The following GSE1 variants were observed in gnomAD, a reference collection of about 807,000 sequenced individuals.
GSE1 encodes the protein Gse1 coiled-coil protein, also known as genetic suppressor element 1.
A neutral mutation model predicts 112.6 loss-of-function variants in GSE1; 32 were observed. That is an observed-to-expected ratio of 0.28 (90% CI 0.21 to 0.38). The LOEUF is 0.38. GSE1 is among the 10% of genes least tolerant of loss of function. The pLI is 1.00. For missense variants in GSE1, 2,348 were observed against 1,699.2 expected (o/e 1.38, Z -6.71); for synonymous variants, 1,115 against 735.6 (o/e 1.52, Z -8.35).
At chr16:85,207,672 C>T (rs62050673) in intron 1 of GSE1, 14,817 of 152,276 alleles carry the variant, frequency 0.097, 848 homozygotes, top group Middle Eastern at 0.16. Context: ...CGTTGACCAG[C>T]GGGGTGAGGG....
chr16:85,625,990 C>T (rs996132070), intron 1 of GSE1, among the ~76,000 whole-genome samples: 4 of 152,166 alleles, frequency 2.6e-5, no homozygotes, highest in African/African-American at 9.7e-5. Flanking sequence ...CTCAGCCCTT[C>T]TTGTTCCAGG....
At chr16:85,315,774 A>G (rs1482881937) in intron 1 of GSE1, among the ~76,000 whole-genome samples, 2 of 152,264 alleles carry the variant, frequency 1.3e-5, no homozygotes, top group Non-Finnish European at 2.9e-5. Context: ...TTCGTTGTTC[A>G]TCCGAAATGA....
intron 2 of GSE1, among the ~76,000 whole-genome samples, chr16:85,526,562 G>T (rs1002403784): frequency 1.3e-5 from 2 of 152,254 alleles, no homozygotes; most frequent in Non-Finnish European, 2.9e-5. Context: ...GCAGGCCAAA[G>T]GGACACAGCA....
intron 2 of GSE1, among the ~76,000 whole-genome samples, chr16:85,452,766 C>T (rs1293435149): frequency 3.9e-5 from 6 of 152,344 alleles, no homozygotes; most frequent in South Asian, 2.1e-4. Context: ...TGCAGAACTC[C>T]GGGTGTCTTT....
chr16:85,644,720 T>C (rs1401311091), intron 2 of GSE1, among the ~76,000 whole-genome samples: 4 of 151,728 alleles, frequency 2.6e-5, no homozygotes, highest in African/African-American at 9.7e-5. Context: ...CTGAAATGGA[T>C]TGTGGTGATG....
chr16:85,217,802 GCCT>G (rs1442370044), intron 1 of GSE1, among the ~76,000 whole-genome samples: 3 of 151,986 alleles, frequency 2.0e-5, no homozygotes, highest in African/African-American at 7.3e-5. Context: ...TCTTCCTCCT[GCCT>G]CCTCCTCGAA....
intron 2 of GSE1, among the ~76,000 whole-genome samples, chr16:85,445,454 T>G (rs925123434): frequency 1.1e-4 from 16 of 152,114 alleles, no homozygotes; most frequent in Non-Finnish European, 2.4e-4. Context: ...GGGCGGCCAG[T>G]CCCCAGACCC....
At position 85,193,369 on chromosome 16, in the gene GSE1, A is replaced by G. The variant is rs145125008; in HGVS notation, c.2283+21562A>G. The stretch of plus-strand genomic sequence containing the variant: ...ATTTTTATTTTTTTGTAGAGGCAGG[A>G]TATTGCTCAGTCACCCAAGTTGGAG... On this transcript the variant is annotated intron_variant, in intron 1 of 2. Transcript: ENST00000637419. 1.2e-4 allele frequency among the ~76,000 whole-genome samples: 18 copies of G among 152,230 alleles called. No homozygotes were observed. In the East Asian group the frequency reaches 2.5e-3, roughly 21 times the overall value.
At chr16:85,632,018 G>A (rs577089753) in intron 1 of GSE1, among the ~76,000 whole-genome samples, 2 of 152,362 alleles carry the variant, frequency 1.3e-5, no homozygotes, top group African/African-American at 4.8e-5. Context: ...GGCCGAGGAC[G>A]GGCCCTCATT....
intron 1 of GSE1, among the ~76,000 whole-genome samples, chr16:85,176,340 C>T (rs534671153): frequency 6.6e-6 from 1 of 152,332 alleles, no homozygotes; most frequent in Non-Finnish European, 1.5e-5. Context: ...CCCTCCTTGC[C>T]ACAGCCTCTA....
intron 3 of GSE1, among the ~76,000 whole-genome samples, chr16:85,651,949 C>T (rs1295996428): frequency 1.3e-5 from 2 of 152,238 alleles, no homozygotes; most frequent in South Asian, 2.1e-4. Context: ...AGGGTGTGTC[C>T]TTCCTCGTGC....
At chr16:85,243,105 G>A (rs1292521092) in intron 1 of GSE1, among the ~76,000 whole-genome samples, 1 of 152,296 alleles carries the variant, frequency 6.6e-6, no homozygotes, top group Admixed American at 6.5e-5. Context: ...AAGCCTCTGC[G>A]CCCATCCCTC....
chr16:85,672,370 C>T (rs546699054), intron 15 of GSE1, 35 bp from the exon 16 acceptor site: 31 of 1,557,884 alleles, frequency 2.0e-5, no homozygotes, highest in South Asian at 5.6e-5. Flanking sequence ...ACAGAGGAAA[C>T]GGGTTGGTTT....
rs199764093 is a variant in GSE1, at chr16:85,654,441, C to T, written c.590C>T (p.Pro197Leu). The T allele has an allele frequency of 1.9e-5, 29 of 1,567,468 alleles. No individual in the cohort carries two copies. Among genetic ancestry groups the T allele is most frequent in the African/African-American group, 2.7e-5 (2 of 73,876 alleles). ...TCAGTTGTGCAGGATTCCCGCTTCC[C>T]GCCACTCAAGTAAGTTGGTCGGCGG... ...PSSVVQDSRF[P>L]PLNLQRPVHH... The change falls in exon 4 of 16, where the codon CCG becomes CTG. Residue 197 changes from proline to leucine, a missense_variant. Physicochemically the swap from Pro to Leu is moderately conservative, Grantham distance 98. Transcript: ENST00000253458.
chr16:85,665,938 G>A (rs762412702), intron 12 of GSE1, 38 bp from the exon 13 acceptor site: 1 of 1,605,516 alleles, frequency 6.2e-7, no homozygotes. Flanking sequence ...CTGTTAACTT[G>A]CATTTCTTAA....
intron 2 of GSE1, among the ~76,000 whole-genome samples, chr16:85,388,096 A>ATGGT (rs2047732252): frequency 1.4e-5 from 2 of 142,182 alleles, no homozygotes; most frequent in Admixed American, 1.4e-4. Flanking sequence ...GGATGGATGG[A>ATGGT]TTGGTGAGTG....
chr16:85,590,957 C>T (rs556506729), intron 1 of GSE1, among the ~76,000 whole-genome samples: 11 of 152,302 alleles, frequency 7.2e-5, no homozygotes, highest in Admixed American at 5.2e-4. Flanking sequence ...GACGTGCTCT[C>T]GGAGCTGGAC....
At chr16:85,328,454 G>A (rs78775050) in intron 1 of GSE1, among the ~76,000 whole-genome samples, 250 of 152,334 alleles carry the variant, frequency 1.6e-3, no homozygotes, top group African/African-American at 5.7e-3. Context: ...GGAAGCCTGC[G>A]GAGGCCTTCC....
intron 2 of GSE1, among the ~76,000 whole-genome samples, chr16:85,468,625 G>A (rs558987620): frequency 4.6e-5 from 7 of 152,052 alleles, no homozygotes; most frequent in South Asian, 2.1e-4. Flanking sequence ...CCCAGCCCTC[G>A]TAGGGCCCTT....
Sources: gnomAD v4.1 joint callset for allele counts (sites outside exome capture counted in the v4.1 genomes callset) on GRCh38, gnomAD v4.1.1 for gene constraint, MANE v1.5 for transcripts, NCBI Gene and HGNC (gene_info 2026-07-23, HGNC 2026-07-21) for gene names.